PROSER2: variants seen among roughly 807,000 people sequenced by gnomAD.
PROSER2 encodes proline and serine rich 2.
PROSER2 carries 18 observed loss-of-function variants against 14.6 expected under a neutral mutation model. The observed-to-expected ratio is 1.23, with a 90% CI of 0.85 to 1.83. PROSER2 has a LOEUF of 1.83. PROSER2 is among the 40% of genes most tolerant of loss of function. The pLI is 0.00. For missense variants in PROSER2, 823 were observed against 629.8 expected (o/e 1.31, Z -3.28); for synonymous variants, 367 against 286.4 (o/e 1.28, Z -2.84).
In PROSER2 at chr10:11,866,905, A is replaced by G. The variant is rs578205304; in HGVS notation, c.391+122A>G. The stretch of plus-strand genomic sequence containing the variant: ...AGTTGTTGAGTCTTACCAGATTTTT[A>G]TAGGGGAAAATACTCCTTGGCAGTT... On this transcript the variant is annotated intron_variant, in intron 3 of 3. Transcript: ENST00000277570. This position sits in a 1 kb window ranked among gnomAD's most constrained non-coding sequence, Gnocchi z 6.0. 160 of 1,131,484 alleles carry G rather than the reference A, an allele frequency of 1.4e-4. No homozygotes were observed. The Middle Eastern group carries it at 1.8e-3, about 13-fold the overall frequency. The allele number at this position is 1,131,484 out of a possible 1,614,324, so 70.1% of individuals were successfully genotyped here. A position where few individuals can be genotyped will look rare whatever the true frequency, so the allele number is the denominator to read the frequency against.
Position 11,869,739 on chromosome 10 carries a change from C to T in PROSER2, c.641C>T (p.Thr214Ile). 6.3e-7 allele frequency: 1 copy of T among 1,586,810 alleles called. No homozygotes were observed. The highest frequency in any genetic ancestry group is 1.1e-5 in the South Asian group (1 of 87,172). ...RMAGNEALSP[T>I]SPFREGRPGE... ...GCGGGGAACGAAGCCCTCTCGCCCA[C>T]CTCCCCGTTCAGGGAGGGCCGGCCC... The change falls in exon 4 of 4, where the codon ACC becomes ATC. Residue 214 changes from threonine to isoleucine, a missense_variant. Transcript: ENST00000277570. This position sits in a 1 kb window ranked among gnomAD's most constrained non-coding sequence, Gnocchi z 4.4.
rs1564302831 is a variant in PROSER2 at position 11,836,811 on chromosome 10, C to T, written c.-82+13341C>T. 6.6e-6 allele frequency among the ~76,000 whole-genome samples: 1 copy of T among 152,124 alleles called. No homozygotes were observed. Among genetic ancestry groups the T allele is most frequent in the Non-Finnish European group, 1.5e-5 (1 of 68,028 alleles). ...GGTAGGAGAGTCTATAAACCTATAC[C>T]GAAGTCCTCTCTTATACACGGTTTT... is the stretch of plus-strand genomic sequence containing the variant. On this transcript the variant is annotated intron_variant, in intron 1 of 3. Transcript: ENST00000277570. The surrounding 1 kb of genome is among the most constrained non-coding windows in gnomAD (Gnocchi z 4.6).
At position 11,869,993 on chromosome 10, in the gene PROSER2, G is replaced by A. The variant is rs1359158806; in HGVS notation, c.895G>A (p.Ala299Thr). The A allele has an allele frequency of 2.7e-5, 34 of 1,267,210 alleles. No homozygotes were observed. The highest frequency in any genetic ancestry group is 3.0e-4 in the Middle Eastern group (1 of 3,330). 78.5% of individuals were successfully genotyped at this position (1,267,210 alleles called of 1,614,324 possible). A position where few individuals can be genotyped will look rare whatever the true frequency, so the allele number is the denominator to read the frequency against. Residue 299 changes from alanine to threonine, a missense_variant, in exon 4 of 4, where the codon GCG becomes ACG. Physicochemically the swap from Ala to Thr is moderately conservative, Grantham distance 58. Coordinates refer to ENST00000277570, the MANE Select transcript of PROSER2 (RefSeq NM_153256.4). This position sits in a 1 kb window ranked among gnomAD's most constrained non-coding sequence, Gnocchi z 4.4. ...IHGHAGAFPA[A>T]GDAGEGAPGG... ...CGGCCACGCCGGCGCCTTCCCCGCCGCGGGGGACGCCGGCGAGGGGGCCCC... is the reference window on the plus strand; with the variant it reads ...CGGCCACGCCGGCGCCTTCCCCGCCACGGGGGACGCCGGCGAGGGGGCCCC...
At position 11,870,253 on chromosome 10, in the gene PROSER2, G is replaced by T; in HGVS notation, c.1155G>T (p.Gly385=). 6.7e-7 allele frequency: 1 copy of T among 1,486,908 alleles called. No individual in the cohort carries two copies. Among genetic ancestry groups the T allele is most frequent in the African/African-American group, 1.5e-5 (1 of 68,162 alleles). The allele number at this position is 1,486,908 out of a possible 1,614,324, so 92.1% of individuals were successfully genotyped here. Reference sequence around the variant, plus strand: ...CGCGGGCCCGTCAGAGCTTCCCCGGGCCCCGGCAGCCCAACGGCGCCCAGG... The same window carrying T: ...CGCGGGCCCGTCAGAGCTTCCCCGGTCCCCGGCAGCCCAACGGCGCCCAGG... The part of the protein sequence containing the change: ...PSTRARQSFP[G]PRQPNGAQDW... Residue 385 remains glycine, a synonymous_variant, in exon 4 of 4, where the codon GGG becomes GGT. Transcript: ENST00000277570.
intron 2 of PROSER2, chr10:11,857,245 G>C (rs1017979300): frequency 2.0e-5 from 3 of 152,120 alleles, no homozygotes; most frequent in African/African-American, 7.2e-5. Context: ...AGAGAGAGAA[G>C]AAAGCAAGAT....
Position 11,856,940 on chromosome 10 carries a change from C to A in PROSER2, c.138+4725C>A, listed in dbSNP as rs1211938726. ...GAGGAGCCGCCCCATCAGCCATAAC[C>A]CCGCCCTTTCATGCTGCCTTCTCAC... On this transcript the variant is annotated intron_variant, in intron 2 of 3. Coordinates refer to ENST00000277570, the MANE Select transcript of PROSER2 (RefSeq NM_153256.4). This position sits in a 1 kb window ranked among gnomAD's most constrained non-coding sequence, Gnocchi z 5.3. 6.6e-6 allele frequency among the ~76,000 whole-genome samples: 1 copy of A among 152,210 alleles called. No individual in the cohort carries two copies. Among genetic ancestry groups the A allele is most frequent in the African/African-American group, 2.4e-5 (1 of 41,454 alleles).
At chr10:11,827,194 C>CA (rs149113428) in intron 1 of PROSER2, among the ~76,000 whole-genome samples, 4,621 of 98,150 alleles carry the variant, frequency 0.047, 77 homozygotes, top group Non-Finnish European at 0.063. Context: ...CCTTCCTTTA[C>CA]AAAAAAAAAA....
rs969721241 is a variant in PROSER2, at chr10:11,838,776, A to G, written c.-81-13221A>G. On this transcript the variant is annotated intron_variant, in intron 1 of 3. Coordinates refer to ENST00000277570, the MANE Select transcript of PROSER2 (RefSeq NM_153256.4). The surrounding 1 kb of genome is among the most constrained non-coding windows in gnomAD (Gnocchi z 4.4). Reference sequence around the variant, plus strand: ...TTGAACATCTGTCTTGTACTTAATAATCATCTGGTTTCCTCGTTTGTACAC... The same window carrying G: ...TTGAACATCTGTCTTGTACTTAATAGTCATCTGGTTTCCTCGTTTGTACAC... 3.3e-5 allele frequency among the ~76,000 whole-genome samples: 5 copies of G among 152,144 alleles called. No homozygotes were observed. Among genetic ancestry groups the G allele is most frequent in the African/African-American group, 1.2e-4 (5 of 41,432 alleles).
rs1412533427 is a variant in PROSER2 at position 11,862,267 on chromosome 10, TTA to T, written c.139-4262_139-4261del. Among the ~76,000 whole-genome samples the T allele has an allele frequency of 2.0e-5, 3 of 152,168 alleles. No individual in the cohort carries two copies. Among genetic ancestry groups the T allele is most frequent in the Admixed American group, 1.3e-4 (2 of 15,282 alleles). On this transcript the variant is annotated intron_variant, in intron 2 of 3. Transcript: ENST00000277570. The surrounding 1 kb of genome is among the most constrained non-coding windows in gnomAD (Gnocchi z 4.2). Reference sequence around the variant, plus strand: ...AGTCACCACAGGGGCATGCGTGTGTTTATGTGAATATGCAAATTGACAAACTG... The same window carrying T: ...AGTCACCACAGGGGCATGCGTGTGTTTGTGAATATGCAAATTGACAAACTG...
intron 2 of PROSER2, among the ~76,000 whole-genome samples, chr10:11,861,146 C>CT (rs1834229421): frequency 6.6e-6 from 1 of 152,198 alleles, no homozygotes; most frequent in African/African-American, 2.4e-5. Flanking sequence ...ATTTTCTGCA[C>CT]TATAACCAAC....
At position 11,840,275 on chromosome 10, in the gene PROSER2, A is replaced by G. The variant is rs979451259; in HGVS notation, c.-81-11722A>G. Among the ~76,000 whole-genome samples the G allele has an allele frequency of 2.6e-5, 4 of 152,030 alleles. No homozygotes were observed. The East Asian group carries it at 5.8e-4, about 22-fold the overall frequency. ...CCTCATTTGTTGTCATTAAAAAAAA[A>G]AAAAAGAAAAACTCTTATTTAGTTA... is the stretch of plus-strand genomic sequence containing the variant. On this transcript the variant is annotated intron_variant, in intron 1 of 3. Transcript: ENST00000277570.
At chr10:11,845,938 T>A (rs555916626) in intron 1 of PROSER2, among the ~76,000 whole-genome samples, 1 of 152,354 alleles carries the variant, frequency 6.6e-6, no homozygotes, top group South Asian at 2.1e-4. Context: ...TGAAACACGC[T>A]CAGCCATTGT....
intron 1 of PROSER2, among the ~76,000 whole-genome samples, chr10:11,843,857 A>C (rs904002565): frequency 2.0e-5 from 3 of 152,026 alleles, no homozygotes; most frequent in African/African-American, 4.8e-5. Flanking sequence ...ATCTCAAAAA[A>C]AAGAATATTT....
intron 1 of PROSER2, among the ~76,000 whole-genome samples, chr10:11,849,229 T>G (rs1241022343): frequency 2.0e-5 from 3 of 152,128 alleles, no homozygotes; most frequent in Admixed American, 2.0e-4. Context: ...AGCTGTCTCC[T>G]TAAATCTTAG....
rs1470899943 is a variant in PROSER2, at chr10:11,865,540, C to T, written c.139-991C>T. Among the ~76,000 whole-genome samples the T allele has an allele frequency of 6.6e-5, 10 of 152,210 alleles. No individual in the cohort carries two copies. The highest frequency in any genetic ancestry group is 2.1e-4 in the South Asian group (1 of 4,828). ...AGAGTAGGACAGTAAGAAACTGCTG[C>T]GCAGTTCTACACTGGGATTCGTTGA... On this transcript the variant is annotated intron_variant, in intron 2 of 3. Transcript: ENST00000277570. The surrounding 1 kb of genome is among the most constrained non-coding windows in gnomAD (Gnocchi z 4.2).
intron 1 of PROSER2, among the ~76,000 whole-genome samples, chr10:11,840,955 A>AATATATATATATATATATATAT (rs1305528836): frequency 1.6e-4 from 3 of 18,878 alleles, no homozygotes; most frequent in African/African-American, 2.1e-4. Flanking sequence ...AAAAAAAAAA[A>AATATATATATATATATATATAT]ATATATATAT....
At chr10:11,851,567 G>C (rs1834017339) in intron 1 of PROSER2, 5 of 152,152 alleles carry the variant, frequency 3.3e-5, no homozygotes, top group Admixed American at 3.3e-4. Flanking sequence ...TGCAGAAGAA[G>C]ATACCACATT....
Position 11,823,387 on chromosome 10 carries a change from C to G in PROSER2, c.-165C>G, listed in dbSNP as rs572446285. ...GCGCGGCGGGGCGTCCCGGAACAGT[C>G]TGCGCCAGACGGGCGGCGGCGTGAG... On this transcript the variant is annotated 5_prime_UTR_variant, in exon 1 of 4. Transcript: ENST00000277570. This position sits in a 1 kb window ranked among gnomAD's most constrained non-coding sequence, Gnocchi z 6.2. 2.0e-5 allele frequency: 3 copies of G among 152,788 alleles called. No individual in the cohort carries two copies. The highest frequency in any genetic ancestry group is 1.3e-4 in the Admixed American group (2 of 15,240). The allele number at this position is 152,788 out of a possible 1,614,324, so 9.5% of individuals were successfully genotyped here. A position where few individuals can be genotyped will look rare whatever the true frequency, so the allele number is the denominator to read the frequency against.
intron 2 of PROSER2, among the ~76,000 whole-genome samples, chr10:11,861,000 G>A (rs1314572908): frequency 1.3e-5 from 2 of 152,124 alleles, no homozygotes; most frequent in African/African-American, 4.8e-5. Context: ...CAGCTACCCT[G>A]GAGGCTGAGG....
Sources: allele counts gnomAD v4.1 joint callset (sites outside exome capture counted in the v4.1 genomes callset), GRCh38; gene constraint gnomAD v4.1.1; non-coding constraint Gnocchi (gnomAD v3.1); transcripts MANE v1.5; gene names NCBI Gene and HGNC (gene_info 2026-07-23, HGNC 2026-07-21).